VPS45: variants seen among roughly 807,000 people sequenced by gnomAD.
The protein encoded by VPS45 is vacuolar protein sorting-associated protein 45.
VPS45 carries 35 observed loss-of-function variants against 75.9 expected under a neutral mutation model. The ratio of observed to expected loss-of-function variants is 0.46; its 90% CI spans 0.35 to 0.61. VPS45 has a LOEUF of 0.61. Ranked by LOEUF, VPS45 falls within the 20% of genes least tolerant of loss-of-function variation. The pLI, the probability that VPS45 is intolerant of heterozygous loss-of-function variation, is 0.00. For synonymous variants in VPS45, 220 were observed against 238.2 expected (o/e 0.92, Z 0.70); for missense variants, 559 against 685.9 (o/e 0.81, Z 2.07).
chr1:150,114,579 TAA>T (rs369781675), intron 14 of VPS45, among the ~76,000 whole-genome samples: 2 of 139,920 alleles, frequency 1.4e-5, no homozygotes, highest in Admixed American at 7.1e-5. Flanking sequence ...ACTCTGTTTC[TAA>T]AAAAAAAAAA....
At chr1:150,125,949 G>C (rs1658493216) in intron 14 of VPS45, among the ~76,000 whole-genome samples, 1 of 152,032 alleles carries the variant, frequency 6.6e-6, no homozygotes, top group Non-Finnish European at 1.5e-5. Context: ...GACTCCCAAA[G>C]TGGTGGGATT....
At chr1:150,080,566 G>A (rs1364589983) in intron 7 of VPS45, among the ~76,000 whole-genome samples, 2 of 152,034 alleles carry the variant, frequency 1.3e-5, no homozygotes, top group African/African-American at 2.4e-5. Flanking sequence ...AATAAATCTA[G>A]TTTTCTTAAG....
At chr1:150,142,076 A>T (rs1366518069) in intron 14 of VPS45, among the ~76,000 whole-genome samples, 2 of 152,200 alleles carry the variant, frequency 1.3e-5, no homozygotes, top group Non-Finnish European at 2.9e-5. Flanking sequence ...GACTCATTAG[A>T]GTCCCCAAAT....
chr1:150,113,237 G>T (rs1471489371), intron 14 of VPS45, among the ~76,000 whole-genome samples: 1 of 151,856 alleles, frequency 6.6e-6, no homozygotes, highest in East Asian at 1.9e-4. Context: ...TGAAACAAAA[G>T]ACACTCCCGT....
At chr1:150,134,974 C>T (rs1029357626) in intron 14 of VPS45, among the ~76,000 whole-genome samples, 1 of 152,116 alleles carries the variant, frequency 6.6e-6, no homozygotes, top group Non-Finnish European at 1.5e-5. Flanking sequence ...GGAACTAAAA[C>T]GCAAACATAA....
At chr1:150,072,873 C>T (rs782784523) in intron 3 of VPS45, among the ~76,000 whole-genome samples, 2 of 151,448 alleles carry the variant, frequency 1.3e-5, no homozygotes, top group Non-Finnish European at 2.9e-5. Context: ...AAAATTGAGG[C>T]ATGGAAGCTG....
intron 14 of VPS45, among the ~76,000 whole-genome samples, chr1:150,136,468 T>C (rs587704395): frequency 6.6e-6 from 1 of 151,838 alleles, no homozygotes; most frequent in South Asian, 2.1e-4. Context: ...GGCAAGAGAA[T>C]TGCTTGAACT....
chr1:150,132,165 TG>T (rs200292599), intron 14 of VPS45, among the ~76,000 whole-genome samples: 2,142 of 152,274 alleles, frequency 0.014, 49 homozygotes, highest in African/African-American at 0.046. Context: ...CTACTTTGAA[TG>T]GGTTTGTTTC....
intron 14 of VPS45, among the ~76,000 whole-genome samples, chr1:150,122,938 G>A (rs1658313867): frequency 7.2e-6 from 1 of 139,598 alleles, no homozygotes; most frequent in East Asian, 2.1e-4. Flanking sequence ...GGCGGAGGTT[G>A]CATCACGCCA....
intron 10 of VPS45, among the ~76,000 whole-genome samples, chr1:150,084,271 G>T (rs1005259573): frequency 6.6e-6 from 1 of 152,170 alleles, no homozygotes; most frequent in Non-Finnish European, 1.5e-5. Context: ...GATAAGCAAA[G>T]AGATCCAGTA....
intron 8 of VPS45, 54 bp downstream of exon 8, chr1:150,081,530 TC>T: frequency 2.6e-6 from 4 of 1,564,594 alleles, no homozygotes; most frequent in Non-Finnish European, 2.6e-6. Flanking sequence ...TGTAAGAAGA[TC>T]AATATTGGCT....
chr1:150,095,052 G>A (rs893504385), intron 13 of VPS45, among the ~76,000 whole-genome samples: 1 of 152,194 alleles, frequency 6.6e-6, no homozygotes, highest in African/African-American at 2.4e-5. Context: ...CACAACAGAT[G>A]TTGATTGAAT....
chr1:150,115,362 C>T (rs587743550), intron 14 of VPS45, among the ~76,000 whole-genome samples: 7 of 152,226 alleles, frequency 4.6e-5, no homozygotes, highest in Admixed American at 1.3e-4. Context: ...TTTATGCTCA[C>T]GAGTTCTATT....
intron 13 of VPS45, among the ~76,000 whole-genome samples, chr1:150,102,517 C>CCA (rs1423329850): frequency 6.8e-6 from 1 of 147,888 alleles, no homozygotes; most frequent in African/African-American, 2.5e-5. Flanking sequence ...CCCTTGCATT[C>CCA]CAGCCTGGGC....
intron 14 of VPS45, among the ~76,000 whole-genome samples, chr1:150,141,411 T>G (rs1553815255): frequency 6.6e-6 from 1 of 152,178 alleles, no homozygotes; most frequent in African/African-American, 2.4e-5. Flanking sequence ...ACACACATAG[T>G]TTTTGTTACA....
At chr1:150,128,302 TAA>T (rs56026495) in intron 14 of VPS45, among the ~76,000 whole-genome samples, 5 of 145,330 alleles carry the variant, frequency 3.4e-5, no homozygotes, top group Admixed American at 3.4e-4. Flanking sequence ...ACCCTTGTCT[TAA>T]AAAAAAAAAG....
At chr1:150,116,027 ATGTT>A (rs1360449836) in intron 14 of VPS45, among the ~76,000 whole-genome samples, 2 of 152,190 alleles carry the variant, frequency 1.3e-5, no homozygotes, top group Non-Finnish European at 2.9e-5. Context: ...ATTTAAAAGA[ATGTT>A]TGTCATTTTT....
In VPS45 at chr1:150,081,983, A is replaced by G. The variant is rs1553799502; in HGVS notation, c.922A>G (p.Ile308Val). The part of the protein sequence containing the change: ...KPKEQQKLES[I>V]ADMKAFVENY... ...AAAAGAACAGCAAAAACTAGAATCAATAGCAGACATGAAGGTAAATTGAAC... is the reference window on the plus strand; with the variant it reads ...AAAAGAACAGCAAAAACTAGAATCAGTAGCAGACATGAAGGTAAATTGAAC... Residue 308 changes from isoleucine to valine, a missense_variant, in exon 9 of 15, where the codon ATA becomes GTA. By Grantham distance (29) the Ile-to-Val change is conservative. Transcript: ENST00000644510. 4 of 1,606,672 alleles carry G rather than the reference A, an allele frequency of 2.5e-6. No homozygotes were observed. Among genetic ancestry groups the G allele is most frequent in the Admixed American group, 1.7e-5 (1 of 59,710 alleles).
At position 150,114,238 on chromosome 1, in the gene VPS45, C is replaced by T. The variant is rs138096366; in HGVS notation, c.1625+3611C>T. On this transcript the variant is annotated intron_variant, in intron 14 of 14. Coordinates refer to ENST00000644510, the MANE Select transcript of VPS45 (RefSeq NM_007259.5). The stretch of plus-strand genomic sequence containing the variant: ...CTGTACTCCCAGCGCTTTGGGAGGC[C>T]GAGGTGGGCAGATCACTTGAGGTCA... 8.7e-3 allele frequency among the ~76,000 whole-genome samples: 1,315 copies of T among 151,980 alleles called. 21 individuals carry two copies. Among genetic ancestry groups the T allele is most frequent in the African/African-American group, 0.031 (1,268 of 41,444 alleles).
Sources: gnomAD v4.1 joint callset for allele counts (sites outside exome capture counted in the v4.1 genomes callset) on GRCh38, gnomAD v4.1.1 for gene constraint, MANE v1.5 for transcripts, NCBI Gene and HGNC (gene_info 2026-07-23, HGNC 2026-07-21) for gene names.